Variants in CHD1 observed in about 807,000 individuals in gnomAD.
CHD1 encodes ATP-dependent chromatin remodeler CHD1.
In CHD1, 36 loss-of-function variants were observed where a neutral mutation model predicts 224.2. The observed-to-expected ratio is 0.16, with a 90% CI of 0.12 to 0.21. The LOEUF is 0.21. Among genes scored for constraint, CHD1 ranks in the 10% least tolerant of loss-of-function variants. The pLI is 1.00. For missense variants in CHD1, 1,378 were observed against 1,994.8 expected (o/e 0.69, Z 5.89); for synonymous variants, 668 against 658.3 (o/e 1.01, Z -0.23).
chr5:98,866,687 T>C lies in CHD1; in HGVS notation c.4248+1808A>G, dbSNP rs142846952. ...GCTAGAAATCTCTAAAAAGGAAATA[T>C]AGGAATATATATTTATATATAAATT... On this transcript the variant is annotated intron_variant, in intron 31 of 35. Coordinates refer to ENST00000614616, the MANE Select transcript of CHD1 (RefSeq NM_001270.4). Among the ~76,000 whole-genome samples, 22 of 152,236 alleles carry C rather than the reference T, an allele frequency of 1.4e-4. No individual in the cohort carries two copies. In the South Asian group the frequency reaches 2.1e-3, roughly 14 times the overall value.
chr5:98,870,067 T>C (rs562891439), intron 29 of CHD1, among the ~76,000 whole-genome samples, 185 bp from the exon 30 acceptor site: 11 of 152,236 alleles, frequency 7.2e-5, no homozygotes, highest in Non-Finnish European at 1.6e-4. Flanking sequence ...ATAATATTAA[T>C]GTAAATAATA....
chr5:98,869,179 T>C, intron 30 of CHD1: 1 of 971,680 alleles, frequency 1.0e-6, no homozygotes, highest in Non-Finnish European at 1.2e-6. Flanking sequence ...TCTTTTCTTC[T>C]GGTTCCTTCT....
At chr5:98,919,730 T>C (rs1752966757) in intron 2 of CHD1, among the ~76,000 whole-genome samples, 1 of 152,198 alleles carries the variant, frequency 6.6e-6, no homozygotes, top group Non-Finnish European at 1.5e-5. Flanking sequence ...CACGTTTATG[T>C]ATGAGATAAT....
At position 98,854,526 on chromosome 5, in the gene CHD1, T is replaced by C. The variant is rs1431403653; in HGVS notation, c.*1854A>G. ...GTGTGCCAGGACTACCTTCATTACT[T>C]TTATATTTAATTATAAATTAGATGT... On this transcript the variant is annotated 3_prime_UTR_variant, in exon 36 of 36. Transcript: ENST00000614616. 2 of 152,210 alleles carry C rather than the reference T, an allele frequency of 1.3e-5. No individual in the cohort carries two copies. Among genetic ancestry groups the C allele is most frequent in the Middle Eastern group, 3.4e-3 (1 of 294 alleles). 9.4% of individuals were successfully genotyped at this position (152,210 alleles called of 1,614,324 possible). A position where few individuals can be genotyped will look rare whatever the true frequency, so the allele number is the denominator to read the frequency against.
chr5:98,875,955 T>C (rs1472196558), intron 24 of CHD1, among the ~76,000 whole-genome samples: 1 of 152,188 alleles, frequency 6.6e-6, no homozygotes, highest in East Asian at 1.9e-4. Context: ...TCTCAATTCC[T>C]ACTTGAACAT....
At chr5:98,868,774 A>C (rs1159210238) in intron 30 of CHD1, 139 bp from the exon 31 acceptor site, 2 of 877,534 alleles carry the variant, frequency 2.3e-6, no homozygotes, top group Non-Finnish European at 1.6e-6. Context: ...CATCTATTTT[A>C]ATTTGTTTTT....
chr5:98,923,402 G>T (rs868077861), intron 2 of CHD1, among the ~76,000 whole-genome samples: 1 of 150,276 alleles, frequency 6.7e-6, no homozygotes, highest in Admixed American at 6.6e-5. Flanking sequence ...CCTTAAATTT[G>T]ATTTCGCAAG....
At chr5:98,922,659 A>G (rs1753179032) in intron 2 of CHD1, among the ~76,000 whole-genome samples, 1 of 152,230 alleles carries the variant, frequency 6.6e-6, no homozygotes, top group Non-Finnish European at 1.5e-5. Flanking sequence ...CTTACAATGA[A>G]TATCAACTTT....
intron 21 of CHD1, 35 bp from the exon 22 acceptor site, chr5:98,881,206 A>C (rs777113449): frequency 6.8e-7 from 1 of 1,464,658 alleles, no homozygotes; most frequent in Admixed American, 1.9e-5. Context: ...AATATACTTG[A>C]ATCCTTTCAT....
At chr5:98,898,586 T>A (rs940808541) in intron 9 of CHD1, 78 bp downstream of exon 9, 45 of 1,231,604 alleles carry the variant, frequency 3.7e-5, no homozygotes, top group Non-Finnish European at 4.9e-5. Context: ...GTTTGATATG[T>A]AAGTGGCAAA....
At position 98,879,645 on chromosome 5, in the gene CHD1, T is replaced by C. The variant is rs771726984; in HGVS notation, c.3144A>G (p.Pro1048=). Reference sequence around the variant, plus strand: ...CTTCTAATCGTCTTCTTTGATCTTCTGGAATAATTTCCTCCCAATTCTTTG... The same window carrying C: ...CTTCTAATCGTCTTCTTTGATCTTCCGGAATAATTTCCTCCCAATTCTTTG... ...RNSKNWEEII[P]EDQRRRLEEE... The change falls in exon 23 of 36, where the codon CCA becomes CCG. Residue 1048 remains proline (P), a synonymous_variant. Transcript: ENST00000614616. The C allele has an allele frequency of 2.5e-6, 4 of 1,609,920 alleles. No homozygotes were observed. The highest frequency in any genetic ancestry group is 3.4e-6 in the Non-Finnish European group (4 of 1,178,538).
chr5:98,897,226 T>C lies in CHD1; in HGVS notation c.1460A>G (p.Asn487Ser), dbSNP rs1335292983. Residue 487 changes from asparagine to serine, a missense_variant, in exon 11 of 36, where the codon AAT (asparagine) becomes AGT (serine). Physicochemically the swap from Asn to Ser is conservative, Grantham distance 46. Coordinates refer to ENST00000614616, the MANE Select transcript of CHD1 (RefSeq NM_001270.4). ...AGAATGAGCAAGCCAATTTAAACCATTCAGTTGATAATCTCTTAATTCTAA... is the reference window on the plus strand; with the variant it reads ...AGAATGAGCAAGCCAATTTAAACCACTCAGTTGATAATCTCTTAATTCTAA... The part of the protein sequence containing the change: ...EGLELRDYQL[N>S]GLNWLAHSWC... The C allele has an allele frequency of 2.5e-6, 4 of 1,612,602 alleles. No individual in the cohort carries two copies. The highest frequency in any genetic ancestry group is 1.1e-5 in the South Asian group (1 of 90,782).
intron 10 of CHD1, 87 bp downstream of exon 10, chr5:98,898,169 C>G: frequency 1.4e-6 from 1 of 718,058 alleles, no homozygotes; most frequent in Non-Finnish European, 1.9e-6. Flanking sequence ...TATCTGAAAT[C>G]AGGATCCAAC....
intron 23 of CHD1, among the ~76,000 whole-genome samples, chr5:98,877,990 AAG>A (rs1392459880): frequency 6.6e-6 from 1 of 152,202 alleles, no homozygotes; most frequent in African/African-American, 2.4e-5. Flanking sequence ...AGATTACAAA[AAG>A]AGAAAAAGAG....
At chr5:98,920,199 C>T (rs1309351811) in intron 2 of CHD1, among the ~76,000 whole-genome samples, 1 of 152,070 alleles carries the variant, frequency 6.6e-6, no homozygotes, top group African/African-American at 2.4e-5. Context: ...TTAGAAATTT[C>T]CTTACAGAAA....
intron 32 of CHD1, 118 bp downstream of exon 32, chr5:98,863,290 G>T: frequency 1.8e-6 from 1 of 558,962 alleles, no homozygotes; most frequent in Non-Finnish European, 2.9e-6. Flanking sequence ...TCATCTGTAG[G>T]TTACCTCTTT....
Position 98,905,180 on chromosome 5 carries a change from C to T in CHD1, c.54-82G>A. On this transcript the variant is annotated intron_variant, in intron 2 of 35. Coordinates refer to ENST00000614616, the MANE Select transcript of CHD1 (RefSeq NM_001270.4). ...TAGACGTCAGCAGAAAGCCCCAAAT[C>T]ATTAAATTTTACTTCATACTTAATA... 3.9e-6 allele frequency: 6 copies of T among 1,520,568 alleles called. No individual in the cohort carries two copies. The South Asian group carries it at 7.3e-5, about 18-fold the overall frequency. The allele number at this position is 1,520,568 out of a possible 1,614,324, so 94.2% of individuals were successfully genotyped here.
At chr5:98,858,893 G>A (rs1247904990) in intron 34 of CHD1, 71 bp downstream of exon 34, 3 of 934,742 alleles carry the variant, frequency 3.2e-6, no homozygotes, top group African/African-American at 3.5e-5. Context: ...TTTATCATTT[G>A]GTTTATTTAA....
intron 1 of CHD1, among the ~76,000 whole-genome samples, chr5:98,927,262 T>C (rs1467832810): frequency 1.3e-5 from 2 of 152,182 alleles, no homozygotes; most frequent in Non-Finnish European, 2.9e-5. Flanking sequence ...CATTTCCACC[T>C]TTAAAGATTT....
Sources: allele counts gnomAD v4.1 joint callset (sites outside exome capture counted in the v4.1 genomes callset), GRCh38; gene constraint gnomAD v4.1.1; transcripts MANE v1.5; gene names NCBI Gene and HGNC (gene_info 2026-07-23, HGNC 2026-07-21).